NRXN1: variants seen among roughly 807,000 people sequenced by gnomAD.
The protein encoded by NRXN1 is neurexin 1, also known as neurexin-1.
NRXN1 carries 39 observed loss-of-function variants against 150.9 expected under a neutral mutation model. That is an observed-to-expected ratio of 0.26 (90% CI 0.20 to 0.34). NRXN1 has a LOEUF of 0.34. NRXN1 is among the 10% of genes least tolerant of loss of function. The pLI is 1.00. For missense variants in NRXN1, 1,815 were observed against 1,949.9 expected (o/e 0.93, Z 1.30); for synonymous variants, 924 against 757.0 (o/e 1.22, Z -3.62).
Position 50,124,646 on chromosome 2 carries a change from C to T in NRXN1, c.3547-33152G>A, listed in dbSNP as rs113747576. ...TGTGCTCAGTTCCCTTCCTCCACCC[C>T]AACCCCTGACAATCATTCATCAGAC... On this transcript the variant is annotated intron_variant, in intron 18 of 22. Transcript: ENST00000401669. Among the ~76,000 whole-genome samples, 21 of 152,214 alleles carry T rather than the reference C, an allele frequency of 1.4e-4. 1 individual carries two copies. Among genetic ancestry groups the T allele is most frequent in the African/African-American group, 5.1e-4 (21 of 41,556 alleles).
At chr2:50,376,044 T>TACACAC (rs200262615) in intron 17 of NRXN1, among the ~76,000 whole-genome samples, 6 of 144,080 alleles carry the variant, frequency 4.2e-5, no homozygotes, top group African/African-American at 1.7e-4. Context: ...TACATATATA[T>TACACAC]ATACACACAC....
At chr2:50,743,537 G>C (rs565720614) in intron 5 of NRXN1, among the ~76,000 whole-genome samples, 2 of 152,244 alleles carry the variant, frequency 1.3e-5, no homozygotes, top group Admixed American at 6.5e-5. Flanking sequence ...TTAATGTTAA[G>C]CACTTCCCAC....
At chr2:50,226,939 C>A (rs1469037689) in intron 18 of NRXN1, among the ~76,000 whole-genome samples, 1 of 151,956 alleles carries the variant, frequency 6.6e-6, no homozygotes, top group Non-Finnish European at 1.5e-5. Context: ...TCAACAAATA[C>A]TGATTGCTCA....
intron 17 of NRXN1, among the ~76,000 whole-genome samples, chr2:50,460,565 A>G (rs2088073563): frequency 6.6e-6 from 1 of 152,076 alleles, no homozygotes; most frequent in African/African-American, 2.4e-5. Context: ...CCATTTATGC[A>G]TCTACTTTTA....
chr2:50,963,445 T>C (rs528152951), intron 2 of NRXN1, among the ~76,000 whole-genome samples: 96 of 151,826 alleles, frequency 6.3e-4, no homozygotes, highest in African/African-American at 2.3e-3. Flanking sequence ...GCAGTTTCTT[T>C]AATGTATCTT....
chr2:50,497,104 G>A (rs1387165641), intron 14 of NRXN1, among the ~76,000 whole-genome samples: 1 of 152,124 alleles, frequency 6.6e-6, no homozygotes, highest in East Asian at 1.9e-4. Flanking sequence ...AGAGCCCAAT[G>A]TAATTTGTAT....
intron 18 of NRXN1, among the ~76,000 whole-genome samples, chr2:50,096,422 T>C (rs1274258993): frequency 6.6e-6 from 1 of 152,202 alleles, no homozygotes; most frequent in Non-Finnish European, 1.5e-5. Context: ...TGCTAAACTT[T>C]CTTGCCAATG....
intron 8 of NRXN1, among the ~76,000 whole-genome samples, chr2:50,600,219 T>A (rs1676016042): frequency 6.6e-6 from 1 of 151,738 alleles, no homozygotes; most frequent in African/African-American, 2.4e-5. Context: ...TGTAGTTACA[T>A]CCTTCCAGGG....
intron 2 of NRXN1, among the ~76,000 whole-genome samples, chr2:51,015,960 T>C (rs917627747): frequency 6.6e-6 from 1 of 152,052 alleles, no homozygotes; most frequent in Non-Finnish European, 1.5e-5. Context: ...TCAAGCTACC[T>C]GACTTCAAAC....
chr2:50,535,691 T>C (rs1488638051), intron 10 of NRXN1, among the ~76,000 whole-genome samples: 1 of 152,190 alleles, frequency 6.6e-6, no homozygotes, highest in Non-Finnish European at 1.5e-5. Flanking sequence ...CTCCTTCTTA[T>C]AGGATCAATA....
intron 18 of NRXN1, among the ~76,000 whole-genome samples, chr2:50,136,727 A>G (rs150398622): frequency 1.3e-3 from 203 of 152,334 alleles, no homozygotes; most frequent in African/African-American, 4.4e-3. Flanking sequence ...ATATCAAACT[A>G]ATACTGTTTT....
chr2:50,547,085 T>C (rs2093511077), intron 9 of NRXN1, among the ~76,000 whole-genome samples: 1 of 152,170 alleles, frequency 6.6e-6, no homozygotes, highest in Admixed American at 6.6e-5. Context: ...TATGTGCTCT[T>C]GAGAGAGCCT....
At chr2:50,830,469 G>C (rs1000190903) in intron 5 of NRXN1, among the ~76,000 whole-genome samples, 1 of 150,494 alleles carries the variant, frequency 6.6e-6, no homozygotes, top group Non-Finnish European at 1.5e-5. Flanking sequence ...TGAAACCTTG[G>C]GCAGACGTTT....
chr2:50,785,879 A>G (rs1705046837), intron 5 of NRXN1, among the ~76,000 whole-genome samples: 1 of 152,180 alleles, frequency 6.6e-6, no homozygotes, highest in Non-Finnish European at 1.5e-5. Flanking sequence ...TCCAACTACT[A>G]TTATATCCTG....
chr2:50,439,776 C>T (rs2085775010), intron 17 of NRXN1, among the ~76,000 whole-genome samples: 1 of 149,868 alleles, frequency 6.7e-6, no homozygotes, highest in African/African-American at 2.5e-5. Flanking sequence ...GAAATTGTGC[C>T]ACTGCACTCC....
intron 16 of NRXN1, among the ~76,000 whole-genome samples, chr2:50,467,460 T>C (rs1416122410): frequency 6.6e-6 from 1 of 151,654 alleles, no homozygotes; most frequent in Non-Finnish European, 1.5e-5. Context: ...CTTTAGTGAA[T>C]AAATTAGAAT....
intron 5 of NRXN1, among the ~76,000 whole-genome samples, chr2:50,820,855 AC>A (rs1414963783): frequency 3.3e-5 from 5 of 152,190 alleles, no homozygotes; most frequent in Admixed American, 3.3e-4. Flanking sequence ...CCAAATGGAT[AC>A]TGAACACCCA....
intron 17 of NRXN1, among the ~76,000 whole-genome samples, chr2:50,400,544 CAAGAT>C (rs2082326762): frequency 6.6e-6 from 1 of 151,946 alleles, no homozygotes; most frequent in African/African-American, 2.4e-5. Flanking sequence ...AATGGCTGGA[CAAGAT>C]AAGAGTTTCA....
At chr2:50,080,792 C>T (rs970210746) in intron 19 of NRXN1, among the ~76,000 whole-genome samples, 6 of 151,938 alleles carry the variant, frequency 3.9e-5, no homozygotes, top group Admixed American at 3.3e-4. Context: ...AAGGCTACAC[C>T]CAGAGGGCTA....
Sources: allele counts gnomAD v4.1 joint callset (sites outside exome capture counted in the v4.1 genomes callset), GRCh38; gene constraint gnomAD v4.1.1; transcripts MANE v1.5; gene names NCBI Gene and HGNC (gene_info 2026-07-23, HGNC 2026-07-21).